The following SMU1 variants were observed in gnomAD, a reference collection of about 807,000 sequenced individuals.
SMU1 encodes WD40 repeat-containing protein SMU1.
In SMU1, 2 loss-of-function variants were observed where a neutral mutation model predicts 62.0. That is an observed-to-expected ratio of 0.03 (90% confidence interval 0.01 to 0.10). The LOEUF (loss-of-function observed/expected upper bound fraction) is 0.10. SMU1 is among the 10% of genes least tolerant of loss of function. The pLI is 1.00. For synonymous variants in SMU1, 188 were observed against 212.4 expected (o/e 0.89, Z 1.00); for missense variants, 227 against 622.1 (o/e 0.36, Z 6.76).
intron 10 of SMU1, among the ~76,000 whole-genome samples, chr9:33,050,772 G>A (rs529777946): frequency 2.0e-5 from 3 of 151,274 alleles, no homozygotes; most frequent in African/African-American, 4.9e-5. Context: ...GTTGCAGTGA[G>A]CTGAGATTGC....
At position 33,071,748 on chromosome 9, in the gene SMU1, G is replaced by C; in HGVS notation, c.382C>G (p.Pro128Ala). The change falls in exon 3 of 12, where the codon CCT (proline) becomes GCT (alanine). Residue 128 changes from proline to alanine, a missense_variant. Transcript: ENST00000397149. ...CATTACCACAGTCATACCTCACGAG[G>C]ATCAAAGTAAGACCTGGCCAAAAGG... ...ENLLARSYFD[P>A]REAYPDGSSK... The C allele has an allele frequency of 6.2e-7, 1 of 1,610,838 alleles. No individual in the cohort carries two copies. The highest frequency in any genetic ancestry group is 8.5e-7 in the Non-Finnish European group (1 of 1,179,094).
intron 9 of SMU1, 74 bp from the exon 10 acceptor site, chr9:33,053,364 T>A: frequency 2.2e-6 from 3 of 1,386,502 alleles, no homozygotes; most frequent in Non-Finnish European, 2.9e-6. Flanking sequence ...TTTAAAATAT[T>A]AACAGTTTAC....
In SMU1 at chr9:33,073,688, C is replaced by A; in HGVS notation, c.145G>T (p.Ala49Ser). 6.2e-7 allele frequency: 1 copy of A among 1,613,956 alleles called. No individual in the cohort carries two copies. The change falls in exon 2 of 12, where the codon GCT becomes TCT. Residue 49 changes from alanine (A) to serine (S), a missense_variant. Ala to Ser is a moderately conservative substitution (Grantham distance 99). Around this residue, in one of 5 missense-constraint regions of SMU1, gnomAD observed 99 missense variants for 270.3 expected, o/e 0.37. Coordinates refer to ENST00000397149, the MANE Select transcript of SMU1 (RefSeq NM_018225.3). ...TCCCAATGGCCACTGTTAATGTCAG[C>A]CACAAAACTCTCAATGCTGTCCACA... Reference protein sequence around the residue: ...NTVDSIESFVADINSGHWDTV... With the variant: ...NTVDSIESFVSDINSGHWDTV...
chr9:33,047,473 G>T, intron 11 of SMU1, 82 bp from the exon 12 acceptor site: 1 of 1,119,166 alleles, frequency 8.9e-7, no homozygotes, highest in Non-Finnish European at 1.3e-6. Context: ...TGGGTGGAAG[G>T]GAAAAAGAGA....
At position 33,051,066 on chromosome 9, in the gene SMU1, A is replaced by G. The variant is rs1839241755; in HGVS notation, c.1290+2057T>C. Among the ~76,000 whole-genome samples the G allele has an allele frequency of 2.2e-5, 2 of 92,760 alleles. 1 individual carries two copies. The highest frequency in any genetic ancestry group is 7.6e-5 in the African/African-American group (2 of 26,354). 60.9% of individuals were successfully genotyped at this position (92,760 alleles called of 152,430 possible). ...AACCCAGGAGGCGGAGCTTGCAGTGAGCCGAGATCGCGCCACTGCACTCCA... is the reference window on the plus strand; with the variant it reads ...AACCCAGGAGGCGGAGCTTGCAGTGGGCCGAGATCGCGCCACTGCACTCCA... On this transcript the variant is annotated intron_variant, in intron 10 of 11. Coordinates refer to ENST00000397149, the MANE Select transcript of SMU1 (RefSeq NM_018225.3).
intron 6 of SMU1, among the ~76,000 whole-genome samples, chr9:33,058,272 C>T (rs1178153393): frequency 6.6e-6 from 1 of 151,936 alleles, no homozygotes; most frequent in African/African-American, 2.4e-5. Context: ...CTCATAAATC[C>T]ACTACCCATA....
chr9:33,070,951 G>A (rs1839479093), intron 3 of SMU1, among the ~76,000 whole-genome samples: 1 of 152,084 alleles, frequency 6.6e-6, no homozygotes, highest in South Asian at 2.1e-4. Context: ...ATAAGAAATA[G>A]TATTTGATAG....
At position 33,073,656 on chromosome 9, in the gene SMU1, C is replaced by T. The variant is rs1839511720; in HGVS notation, c.177G>A (p.Val59=). ...ADINSGHWDT[V]LQAIQSLKLP... ...ATTTCAGAGACTGTATAGCCTGCAACACAGTATCCCAATGGCCACTGTTAA... is the reference window on the plus strand; with the variant it reads ...ATTTCAGAGACTGTATAGCCTGCAATACAGTATCCCAATGGCCACTGTTAA... Residue 59 remains valine (V), a synonymous_variant, in exon 2 of 12, where the codon GTG becomes GTA. Transcript: ENST00000397149. 1.2e-6 allele frequency: 2 copies of T among 1,613,332 alleles called. No individual in the cohort carries two copies. Among genetic ancestry groups the T allele is most frequent in the East Asian group, 4.5e-5 (2 of 44,884 alleles).
At chr9:33,060,437 G>T (rs1839350258) in intron 6 of SMU1, 28 bp downstream of exon 6, 1 of 1,572,666 alleles carries the variant, frequency 6.4e-7, no homozygotes, top group Non-Finnish European at 8.6e-7. Context: ...TTTCCACTAG[G>T]AAGGTTAACA....
At chr9:33,066,303 A>T (rs1054200016) in intron 4 of SMU1, among the ~76,000 whole-genome samples, 3 of 152,274 alleles carry the variant, frequency 2.0e-5, no homozygotes, top group African/African-American at 7.2e-5. Context: ...AAGAGAAAGA[A>T]AGATACACGG....
rs144648212 is a variant in SMU1 at position 33,042,179 on chromosome 9, C to A, written c.*5114G>T. On this transcript the variant is annotated 3_prime_UTR_variant, in exon 12 of 12. Coordinates refer to ENST00000397149, the MANE Select transcript of SMU1 (RefSeq NM_018225.3). ...CTTTTAATGGCAAAAACCGCAATTACTTTTGCACTAACCTAATAGTTATAT... is the reference window on the plus strand; with the variant it reads ...CTTTTAATGGCAAAAACCGCAATTAATTTTGCACTAACCTAATAGTTATAT... The A allele has an allele frequency of 6.5e-5, 10 of 152,780 alleles. No individual in the cohort carries two copies. The highest frequency in any genetic ancestry group is 2.4e-4 in the African/African-American group (10 of 41,560). 9.5% of individuals were successfully genotyped at this position (152,780 alleles called of 1,614,324 possible). A position where few individuals can be genotyped will look rare whatever the true frequency, so the allele number is the denominator to read the frequency against.
At chr9:33,075,243 G>C (rs975022256) in intron 1 of SMU1, among the ~76,000 whole-genome samples, 2 of 152,200 alleles carry the variant, frequency 1.3e-5, no homozygotes, top group African/African-American at 4.8e-5. Context: ...CGGGCATGGT[G>C]GTGGGCGCCT....
intron 1 of SMU1, among the ~76,000 whole-genome samples, chr9:33,074,848 A>G (rs937154903): frequency 3.4e-5 from 5 of 149,078 alleles, no homozygotes; most frequent in African/African-American, 1.2e-4. Flanking sequence ...ATTGTGGCTG[A>G]CTGCAGCCTG....
rs1309672124 is a variant in SMU1 at position 33,076,617 on chromosome 9, C to G, written c.-9G>C. On this transcript the variant is annotated 5_prime_UTR_variant, in exon 1 of 12. Transcript: ENST00000397149. ...TCGATTTCGATCGACATAGCCGTAT[C>G]TCTCCGGGAGCAGGCCCCAGCTCTC... The G allele has an allele frequency of 3.1e-6, 5 of 1,613,842 alleles. No individual in the cohort carries two copies. In the African/African-American group the frequency reaches 4.0e-5, roughly 13 times the overall value.
At position 33,046,564 on chromosome 9, in the gene SMU1, T is replaced by C. The variant is rs1379085029; in HGVS notation, c.*729A>G. 1 of 139,426 alleles carries C rather than the reference T, an allele frequency of 7.2e-6. No individual in the cohort carries two copies. Among genetic ancestry groups the C allele is most frequent in the East Asian group, 2.0e-4 (1 of 4,900 alleles). 8.6% of individuals were successfully genotyped at this position (139,426 alleles called of 1,614,324 possible). On this transcript the variant is annotated 3_prime_UTR_variant, in exon 12 of 12. Transcript: ENST00000397149. ...TTAGAACAAAGTCTCCAGAAAGGTA[T>C]AAAGTTTATTAACATCTTTAAAAAA...
chr9:33,048,074 T>G, intron 11 of SMU1, 32 bp downstream of exon 11: 1 of 1,603,270 alleles, frequency 6.2e-7, no homozygotes, highest in Middle Eastern at 1.7e-4. Context: ...CCTACCATAT[T>G]TCTTTAGATG....
chr9:33,056,757 C>T (rs1355988122), intron 8 of SMU1, 80 bp downstream of exon 8: 17 of 1,449,020 alleles, frequency 1.2e-5, no homozygotes, highest in Non-Finnish European at 1.3e-5. Flanking sequence ...ATGGTAAAAG[C>T]GTAAGGAATC....
chr9:33,069,538 C>T (rs1275617570), intron 3 of SMU1, among the ~76,000 whole-genome samples: 6 of 152,322 alleles, frequency 3.9e-5, no homozygotes, highest in Admixed American at 2.6e-4. Context: ...GGGTGGCTCA[C>T]GCCTGTAATC....
At chr9:33,054,847 T>C (rs1839287392) in intron 9 of SMU1, among the ~76,000 whole-genome samples, 1 of 152,188 alleles carries the variant, frequency 6.6e-6, no homozygotes, top group Non-Finnish European at 1.5e-5. Flanking sequence ...AAAATGAACA[T>C]TTCAGGAATT....
Sources: gnomAD v4.1 joint callset for allele counts (sites outside exome capture counted in the v4.1 genomes callset) on GRCh38, gnomAD v4.1.1 for gene constraint, gnomAD v4.1.1 regional missense constraint, MANE v1.5 for transcripts, NCBI Gene and HGNC (gene_info 2026-07-23, HGNC 2026-07-21) for gene names.